The following L1TD1 variants were observed in gnomAD, a reference collection of about 807,000 sequenced individuals.
L1TD1 encodes LINE1 type transposase domain containing 1.
Under a neutral mutation model 25.7 loss-of-function variants are expected in L1TD1, and 26 were observed. That is an observed-to-expected ratio of 1.01 (90% CI 0.74 to 1.40). The LOEUF is 1.40. Ranked by LOEUF, L1TD1 falls within the 40% of genes most tolerant of loss-of-function variation. The pLI, the probability that L1TD1 is intolerant of heterozygous loss-of-function variation, is 0.00. For synonymous variants in L1TD1, 421 were observed against 335.6 expected (o/e 1.25, Z -2.78); for missense variants, 1,130 against 975.0 (o/e 1.16, Z -2.12).
Position 62,210,781 on chromosome 1 carries a change from A to G in L1TD1, c.2007A>G (p.Gln669=). Residue 669 remains glutamine, a synonymous_variant, in exon 4 of 4, where the codon CAA becomes CAG. Coordinates refer to ENST00000498273, the MANE Select transcript of L1TD1 (RefSeq NM_019079.5). ...AAAGAATAGACAGTCTAGAAGATCA[A>G]ATTGAAGAATTCTCTAAGGATACAA... The part of the protein sequence containing the change: ...LEERIDSLED[Q]IEEFSKDTMQ... 6.5e-7 allele frequency: 1 copy of G among 1,550,310 alleles called. No individual in the cohort carries two copies. The highest frequency in any genetic ancestry group is 8.7e-7 in the Non-Finnish European group (1 of 1,146,684).
intron 2 of L1TD1, among the ~76,000 whole-genome samples, chr1:62,205,441 A>ATTTT (rs1447667211): frequency 9.3e-5 from 5 of 53,872 alleles, no homozygotes; most frequent in African/African-American, 3.1e-4. Context: ...ATATATATAT[A>ATTTT]TATTTTTTTT....
At chr1:62,202,240 C>T (rs1408765451) in intron 2 of L1TD1, among the ~76,000 whole-genome samples, 2 of 150,904 alleles carry the variant, frequency 1.3e-5, no homozygotes, top group African/African-American at 4.9e-5. Flanking sequence ...GTGGAGGTTG[C>T]GGTGAGCCGA....
Position 62,205,793 on chromosome 1 carries a change from A to C in L1TD1, c.-110-726A>C, listed in dbSNP as rs932483697. On this transcript the variant is annotated intron_variant, in intron 2 of 3. Coordinates refer to ENST00000498273, the MANE Select transcript of L1TD1 (RefSeq NM_019079.5). Reference sequence around the variant, plus strand: ...CACCCAAGGTGTGGAGTGCAGGGGCACAATCACAGCTCACTGCAGTCTTAA... The same window carrying C: ...CACCCAAGGTGTGGAGTGCAGGGGCCCAATCACAGCTCACTGCAGTCTTAA... 1.5e-4 allele frequency among the ~76,000 whole-genome samples: 23 copies of C among 152,130 alleles called. No homozygotes were observed. In the East Asian group the frequency reaches 3.1e-3, roughly 21 times the overall value.
At chr1:62,196,955 C>T (rs1670554868) in intron 2 of L1TD1, among the ~76,000 whole-genome samples, 1 of 151,958 alleles carries the variant, frequency 6.6e-6, no homozygotes, top group Admixed American at 6.6e-5. Context: ...GAAATGAGCC[C>T]TACTTATAAT....
intron 1 of L1TD1, among the ~76,000 whole-genome samples, chr1:62,195,833 G>A (rs2457823): frequency 0.53 from 79,929 of 150,518 alleles, 21,539 homozygotes; most frequent in East Asian, 0.65. Context: ...GAGGTCAGGA[G>A]ATCGAGACCA....
At chr1:62,203,383 C>T (rs1670678572) in intron 2 of L1TD1, among the ~76,000 whole-genome samples, 1 of 152,124 alleles carries the variant, frequency 6.6e-6, no homozygotes, top group Non-Finnish European at 1.5e-5. Flanking sequence ...CCTACATCCA[C>T]CCACCTACTA....
At chr1:62,199,471 C>T (rs543765963) in intron 2 of L1TD1, among the ~76,000 whole-genome samples, 1 of 149,348 alleles carries the variant, frequency 6.7e-6, no homozygotes, top group South Asian at 2.1e-4. Flanking sequence ...GCACTCCAGC[C>T]TAATCCACAG....
At chr1:62,196,632 G>T (rs1318036530) in intron 2 of L1TD1, 104 bp downstream of exon 2, 3 of 152,226 alleles carry the variant, frequency 2.0e-5, no homozygotes, top group Non-Finnish European at 4.4e-5. Context: ...CGCTCTTGTC[G>T]CCCAGGCTGG....
intron 3 of L1TD1, 84 bp downstream of exon 3, chr1:62,207,720 T>G: frequency 7.1e-7 from 1 of 1,416,848 alleles, no homozygotes; most frequent in Middle Eastern, 2.6e-4. Context: ...AAATCAATTT[T>G]TTTTTTCTTG....
chr1:62,198,541 C>T (rs377252975), intron 2 of L1TD1, among the ~76,000 whole-genome samples: 7 of 151,776 alleles, frequency 4.6e-5, no homozygotes, highest in East Asian at 3.9e-4. Flanking sequence ...CCCACCCCGC[C>T]GATAAGAACA....
At chr1:62,208,752 T>G (rs1221269872) in intron 3 of L1TD1, among the ~76,000 whole-genome samples, 1 of 152,194 alleles carries the variant, frequency 6.6e-6, no homozygotes, top group African/African-American at 2.4e-5. Context: ...GTGCTGGAAT[T>G]ACAGGTGTGA....
rs750607821 is a variant in L1TD1, at chr1:62,207,299, A to C, written c.671A>C (p.Glu224Ala). 1.8e-5 allele frequency: 28 copies of C among 1,550,856 alleles called. No homozygotes were observed. Residue 224 changes from glutamate to alanine, a missense_variant, in exon 3 of 4, where the codon GAG (glutamate) becomes GCG (alanine). By Grantham distance (107) the Glu-to-Ala change is moderately radical. Transcript: ENST00000498273. ...ERKFQKLKNK[E>A]EVLKASREEK... Reference sequence around the variant, plus strand: ...AAATTTCAGAAATTGAAGAATAAAGAGGAGGTTTTAAAAGCCTCCAGAGAA... The same window carrying C: ...AAATTTCAGAAATTGAAGAATAAAGCGGAGGTTTTAAAAGCCTCCAGAGAA...
rs1670837386 is a variant in L1TD1, at chr1:62,210,246, A to G, written c.1472A>G (p.Lys491Arg). The G allele has an allele frequency of 1.9e-6, 3 of 1,613,970 alleles. No homozygotes were observed. Among genetic ancestry groups the G allele is most frequent in the Admixed American group, 1.7e-5 (1 of 59,974 alleles). ...GAAGGAAAGAGCTCTGAAACAGGAA[A>G]GGTAAAGACTACCTCCCTGACTGAG... is the stretch of plus-strand genomic sequence containing the variant. ...EEEGKSSETG[K>R]VKTTSLTEKK... Residue 491 changes from lysine (K) to arginine (R), a missense_variant, in exon 4 of 4, where the codon AAG (lysine) becomes AGG (arginine). Coordinates refer to ENST00000498273, the MANE Select transcript of L1TD1 (RefSeq NM_019079.5).
At chr1:62,199,010 C>A (rs1185435435) in intron 2 of L1TD1, among the ~76,000 whole-genome samples, 2 of 152,070 alleles carry the variant, frequency 1.3e-5, no homozygotes, top group African/African-American at 4.8e-5. Context: ...GTCCCTGAGC[C>A]CTTTTGATGG....
In L1TD1 at chr1:62,211,066, T is replaced by C; in HGVS notation, c.2292T>C (p.Phe764=). The C allele has an allele frequency of 1.3e-6, 2 of 1,550,892 alleles. No homozygotes were observed. The highest frequency in any genetic ancestry group is 1.7e-6 in the Non-Finnish European group (2 of 1,146,868). ...RLTPRHILVK[F]WNSSDKEKII... ...CTCCTAGACACATCTTGGTGAAATT[T>C]TGGAATTCTAGTGATAAAGAGAAAA... The change falls in exon 4 of 4, where the codon TTT becomes TTC. Residue 764 remains phenylalanine (F), a synonymous_variant. Transcript: ENST00000498273.
At chr1:62,202,603 CAG>C (rs943782933) in intron 2 of L1TD1, among the ~76,000 whole-genome samples, 3 of 140,346 alleles carry the variant, frequency 2.1e-5, no homozygotes, top group African/African-American at 5.3e-5. Flanking sequence ...TTTTTTGAGA[CAG>C]AGGCTTACTC....
chr1:62,195,295 C>T (rs964785133), intron 1 of L1TD1, among the ~76,000 whole-genome samples: 2 of 152,200 alleles, frequency 1.3e-5, no homozygotes, highest in African/African-American at 2.4e-5. Flanking sequence ...GGCAGTTGGC[C>T]CCCTCACTTG....
chr1:62,200,559 G>A (rs1670622649), intron 2 of L1TD1, among the ~76,000 whole-genome samples: 1 of 151,996 alleles, frequency 6.6e-6, no homozygotes, highest in Non-Finnish European at 1.5e-5. Context: ...CCCATCGTGT[G>A]CATAAATCAT....
chr1:62,197,855 C>T (rs934388814), intron 2 of L1TD1, among the ~76,000 whole-genome samples: 1 of 151,714 alleles, frequency 6.6e-6, no homozygotes, highest in Non-Finnish European at 1.5e-5. Context: ...TCAGCCTGGG[C>T]GACAGTGAGA....
Sources: allele counts gnomAD v4.1 joint callset (sites outside exome capture counted in the v4.1 genomes callset), GRCh38; gene constraint gnomAD v4.1.1; transcripts MANE v1.5; gene names NCBI Gene and HGNC (gene_info 2026-07-23, HGNC 2026-07-21).